Variants in GEMIN5 observed in about 807,000 individuals in gnomAD.
The protein encoded by GEMIN5 is gem-associated protein 5.
GEMIN5 carries 124 observed loss-of-function variants against 176.9 expected under a neutral mutation model. The ratio of observed to expected loss-of-function variants is 0.70; its 90% CI spans 0.61 to 0.81. The LOEUF (loss-of-function observed/expected upper bound fraction) is 0.81. Ranked by LOEUF, GEMIN5 falls within the 40% of genes least tolerant of loss-of-function variation. The pLI is 0.00. For synonymous variants in GEMIN5, 673 were observed against 665.2 expected, an observed-to-expected ratio of 1.01 and a Z score of -0.18; for missense variants, 1,843 against 1,814.6, an observed-to-expected ratio of 1.02 and a Z score of -0.28.
chr5:154,917,539 C>T (rs544108885), intron 12 of GEMIN5, among the ~76,000 whole-genome samples: 1 of 152,190 alleles, frequency 6.6e-6, no homozygotes, highest in Non-Finnish European at 1.5e-5. Flanking sequence ...TAGGGAGAAG[C>T]TAAAATAATT....
rs762301151 is a variant in GEMIN5, at chr5:154,896,309, A to G, written c.3380T>C (p.Leu1127Pro). The G allele has an allele frequency of 1.2e-5, 19 of 1,599,644 alleles. No homozygotes were observed. The East Asian group carries it at 4.0e-4, about 34-fold the overall frequency. The stretch of plus-strand genomic sequence containing the variant: ...CTGCTTTTCCTCCAGATGCCTGGAC[A>G]GTAGCTCCAGAAGGCAAAACACCAA... ...QRLVFCLLEL[L>P]SRHLEEKQLS... Residue 1127 changes from leucine to proline, a missense_variant, in exon 24 of 28, where the codon CTG becomes CCG. Leu to Pro is a moderately conservative substitution (Grantham distance 98). Coordinates refer to ENST00000285873, the MANE Select transcript of GEMIN5 (RefSeq NM_015465.5).
chr5:154,912,862 C>T, intron 14 of GEMIN5, 37 bp downstream of exon 14: 4 of 1,571,166 alleles, frequency 2.5e-6, no homozygotes, highest in Non-Finnish European at 3.5e-6. Flanking sequence ...TTAGAGTACA[C>T]AGTGAAGGAC....
rs1763710261 is a variant in GEMIN5 at position 154,911,914 on chromosome 5, C to T, written c.1996-16G>A. The T allele has an allele frequency of 6.2e-7, 1 of 1,606,766 alleles. No individual in the cohort carries two copies. Among genetic ancestry groups the T allele is most frequent in the Non-Finnish European group, 8.5e-7 (1 of 1,176,828 alleles). On this transcript the variant is annotated splice_polypyrimidine_tract_variant and intron_variant, in intron 14 of 27. Transcript: ENST00000285873. ...CATCCCACACCTAAACCCAAAAGCA[C>T]ATGGCCGAAAAGACATTTTCTGGTT...
chr5:154,905,288 G>A (rs978953328), intron 17 of GEMIN5, 75 bp downstream of exon 17: 19 of 635,064 alleles, frequency 3.0e-5, no homozygotes, highest in Admixed American at 8.4e-5. Context: ...ACTGTTTTTT[G>A]ACAGTTGCGT....
In GEMIN5 at chr5:154,912,942, T is replaced by C. The variant is rs772840497; in HGVS notation, c.1952A>G (p.His651Arg). The change falls in exon 14 of 28, where the codon CAT (histidine) becomes CGT (arginine). Residue 651 changes from histidine (H) to arginine (R), a missense_variant. Transcript: ENST00000285873. ...GGAAGCAGATACCAGCCTTCCATCA[T>C]GATGTGGGCTCCACGCCACACTGGT... ...KITSVAWSPH[H>R]DGRLVSASYD... 2.9e-5 allele frequency: 46 copies of C among 1,613,834 alleles called. No individual in the cohort carries two copies. Among genetic ancestry groups the C allele is most frequent in the Non-Finnish European group, 3.5e-5 (41 of 1,179,860 alleles).
rs1308790785 is a variant in GEMIN5 at position 154,887,463 on chromosome 5, T to C, written c.*747A>G. 1.3e-5 allele frequency: 2 copies of C among 152,228 alleles called. No individual in the cohort carries two copies. Among genetic ancestry groups the C allele is most frequent in the African/African-American group, 2.4e-5 (1 of 41,458 alleles). 9.4% of individuals were successfully genotyped at this position (152,228 alleles called of 1,614,324 possible). ...TAATCTGATTCTCAAAAGGATCCTA[T>C]GATCCAAGAAAGTTTAAGAACCATT... On this transcript the variant is annotated 3_prime_UTR_variant, in exon 28 of 28. Transcript: ENST00000285873.
chr5:154,891,993 T>C (rs1057160123), intron 25 of GEMIN5, among the ~76,000 whole-genome samples: 10 of 152,268 alleles, frequency 6.6e-5, no homozygotes, highest in Middle Eastern at 6.8e-3. Flanking sequence ...ATTCCATTTG[T>C]ACTACTGAAG....
intron 20 of GEMIN5, among the ~76,000 whole-genome samples, chr5:154,902,109 T>TC (rs1041847141): frequency 8.4e-5 from 12 of 143,532 alleles, no homozygotes; most frequent in Non-Finnish European, 3.1e-5. Context: ...ACACCCAGCC[T>TC]TTTTTTTTTT....
rs1180005973 is a variant in GEMIN5, at chr5:154,912,992, G to T, written c.1902C>A (p.Thr634=). The T allele has an allele frequency of 1.2e-5, 19 of 1,613,444 alleles. No homozygotes were observed. Among genetic ancestry groups the T allele is most frequent in the Non-Finnish European group, 1.4e-5 (16 of 1,179,434 alleles). ...SPVTITEPYR[T]LSGHTAKITS... The stretch of plus-strand genomic sequence containing the variant: ...TAATCTTGGCCGTATGCCCTGAGAG[G>T]GTCCGGTAGGGCTCTGTAATGGTCA... Residue 634 remains threonine, a synonymous_variant, in exon 14 of 28, where the codon ACC becomes ACA. Coordinates refer to ENST00000285873, the MANE Select transcript of GEMIN5 (RefSeq NM_015465.5).
At chr5:154,896,415 T>C (rs906822667) in intron 23 of GEMIN5, 72 bp from the exon 24 acceptor site, 1 of 1,438,688 alleles carries the variant, frequency 7.0e-7, no homozygotes. Context: ...AGCTCTCCCG[T>C]GTCCTTCAAA....
chr5:154,916,876 A>T, intron 13 of GEMIN5, 122 bp downstream of exon 13: 1 of 489,110 alleles, frequency 2.0e-6, no homozygotes, highest in Non-Finnish European at 3.5e-6. Context: ...AAACAGAAAA[A>T]GTAGTAAGAA....
chr5:154,905,194 CAAAACAAACAA>C (rs1402996998), intron 17 of GEMIN5, among the ~76,000 whole-genome samples, 158 bp downstream of exon 17: 5 of 151,896 alleles, frequency 3.3e-5, no homozygotes, highest in African/African-American at 9.7e-5. Flanking sequence ...AAATCTGTCT[CAAAACAAACAA>C]AAAACAAACA....
intron 13 of GEMIN5, among the ~76,000 whole-genome samples, chr5:154,915,614 C>T (rs1021015422): frequency 3.3e-5 from 5 of 152,138 alleles, no homozygotes; most frequent in Non-Finnish European, 7.4e-5. Context: ...CATGTATTAG[C>T]GATGCTACTT....
At chr5:154,930,750 G>A (rs1361608338) in intron 5 of GEMIN5, among the ~76,000 whole-genome samples, 2 of 152,076 alleles carry the variant, frequency 1.3e-5, no homozygotes, top group Non-Finnish European at 2.9e-5. Flanking sequence ...CACAACTTTA[G>A]AGTGTACTTC....
In GEMIN5 at chr5:154,917,940, T is replaced by C; in HGVS notation, c.1664A>G (p.Asn555Ser). The part of the protein sequence containing the change: ...KADGKIMALG[N>S]EDGSIEIFQI... ...AGAAGCAAATACATACCCATCTTCATTGCCAAGAGCCATGATTTTGCCATC... is the reference window on the plus strand; with the variant it reads ...AGAAGCAAATACATACCCATCTTCACTGCCAAGAGCCATGATTTTGCCATC... The change falls in exon 12 of 28, where the codon AAT becomes AGT. Residue 555 changes from asparagine (N) to serine (S), a missense_variant. Physicochemically the swap from Asn to Ser is conservative, Grantham distance 46. Coordinates refer to ENST00000285873, the MANE Select transcript of GEMIN5 (RefSeq NM_015465.5). 1 of 1,607,768 alleles carries C rather than the reference T, an allele frequency of 6.2e-7. No individual in the cohort carries two copies. Among genetic ancestry groups the C allele is most frequent in the Non-Finnish European group, 8.5e-7 (1 of 1,174,334 alleles).
intron 20 of GEMIN5, among the ~76,000 whole-genome samples, chr5:154,902,061 C>T (rs963218678): frequency 2.0e-5 from 3 of 151,932 alleles, no homozygotes; most frequent in South Asian, 2.1e-4. Context: ...CTCGGCCTCC[C>T]GAAATGCTGG....
chr5:154,928,893 G>A (rs991550822), intron 5 of GEMIN5, among the ~76,000 whole-genome samples: 1 of 151,784 alleles, frequency 6.6e-6, no homozygotes, highest in Admixed American at 6.6e-5. Flanking sequence ...AACAAGCTTC[G>A]ACAGGCTATC....
chr5:154,905,761 G>A (rs369787431), intron 16 of GEMIN5, among the ~76,000 whole-genome samples: 4 of 150,808 alleles, frequency 2.7e-5, no homozygotes, highest in East Asian at 3.9e-4. Flanking sequence ...ATTCAGTGGC[G>A]CAATCTTGGC....
chr5:154,921,367 G>GC lies in GEMIN5; in HGVS notation c.1437dup (p.Pro480AlafsTer32). 1 of 1,458,388 alleles carries GC rather than the reference G, an allele frequency of 6.9e-7. No homozygotes were observed. Among genetic ancestry groups the GC allele is most frequent in the Non-Finnish European group, 9.6e-7 (1 of 1,046,106 alleles). The allele number at this position is 1,458,388 out of a possible 1,614,324, so 90.3% of individuals were successfully genotyped here. A position where few individuals can be genotyped will look rare whatever the true frequency, so the allele number is the denominator to read the frequency against. On this transcript the variant is annotated frameshift_variant, in exon 10 of 28. Coordinates refer to ENST00000285873, the MANE Select transcript of GEMIN5 (RefSeq NM_015465.5). LOFTEE classifies it high-confidence loss of function. ...CCAAGTGACATGGGGGGTACTGGTG[G>GC]CCCCCAGGCTAAAGTATATACAGTC... is the stretch of plus-strand genomic sequence containing the variant.
Sources: gnomAD v4.1 joint callset for allele counts (sites outside exome capture counted in the v4.1 genomes callset) on GRCh38, gnomAD v4.1.1 for gene constraint, MANE v1.5 for transcripts, NCBI Gene and HGNC (gene_info 2026-07-23, HGNC 2026-07-21) for gene names.